BTBD9: variants seen among roughly 807,000 people sequenced by gnomAD.
BTBD9 encodes BTB/POZ domain-containing protein 9.
BTBD9 carries 49 observed loss-of-function variants against 64.3 expected under a neutral mutation model. The ratio of observed to expected loss-of-function variants is 0.76; its 90% CI spans 0.61 to 0.97. The LOEUF is 0.97. Among genes scored for constraint, BTBD9 ranks in the 50% least tolerant of loss-of-function variants. BTBD9 has a pLI of 0.00. For missense variants in BTBD9, 598 were observed against 762.1 expected (o/e 0.78, Z 2.53); for synonymous variants, 260 against 274.7 (o/e 0.95, Z 0.53).
chr6:38,347,881 C>G (rs1423310389), intron 6 of BTBD9, among the ~76,000 whole-genome samples: 1 of 152,160 alleles, frequency 6.6e-6, no homozygotes, highest in Non-Finnish European at 1.5e-5. Context: ...CCTGTAATCC[C>G]AGCTACTTGG....
chr6:38,405,602 TAA>T (rs957679532), intron 6 of BTBD9, among the ~76,000 whole-genome samples: 1 of 146,034 alleles, frequency 6.8e-6, no homozygotes, highest in African/African-American at 2.5e-5. Context: ...GTTCTGTTGT[TAA>T]AAAAAAAAAC....
chr6:38,311,324 C>T (rs1022534097), intron 7 of BTBD9, among the ~76,000 whole-genome samples: 1 of 151,910 alleles, frequency 6.6e-6, no homozygotes, highest in Admixed American at 6.6e-5. Context: ...TCATTTTTAG[C>T]TCCCACAAGT....
intron 1 of BTBD9, among the ~76,000 whole-genome samples, chr6:38,610,465 T>C (rs760466257): frequency 2.0e-5 from 3 of 152,282 alleles, no homozygotes; most frequent in South Asian, 2.1e-4. Flanking sequence ...GTGGCACTAA[T>C]GGAAAACGTG....
chr6:38,397,442 C>A (rs1355023514), intron 6 of BTBD9, among the ~76,000 whole-genome samples: 1 of 152,112 alleles, frequency 6.6e-6, no homozygotes, highest in Non-Finnish European at 1.5e-5. Context: ...AAAGATGACG[C>A]CCAGCTTTGT....
intron 6 of BTBD9, among the ~76,000 whole-genome samples, chr6:38,505,046 C>T (rs1323359237): frequency 2.6e-5 from 4 of 152,190 alleles, no homozygotes; most frequent in Non-Finnish European, 5.9e-5. Flanking sequence ...ATTCCTGAAG[C>T]ACTACCTCTC....
At chr6:38,527,632 T>G (rs1443907801) in intron 6 of BTBD9, among the ~76,000 whole-genome samples, 1 of 152,110 alleles carries the variant, frequency 6.6e-6, no homozygotes, top group Non-Finnish European at 1.5e-5. Flanking sequence ...ATGAGTCAAT[T>G]AAACCTCTTT....
chr6:38,312,533 T>C (rs1762875835), intron 7 of BTBD9, among the ~76,000 whole-genome samples: 1 of 152,088 alleles, frequency 6.6e-6, no homozygotes, highest in Non-Finnish European at 1.5e-5. Flanking sequence ...GCTTTGTAGT[T>C]TGAGAGAGTA....
intron 7 of BTBD9, among the ~76,000 whole-genome samples, chr6:38,288,752 C>T (rs1310426055): frequency 1.3e-5 from 2 of 150,998 alleles, no homozygotes; most frequent in Non-Finnish European, 3.0e-5. Flanking sequence ...CATGGTGAAA[C>T]CCCATCTCTA....
chr6:38,192,703 G>A (rs963429605), intron 9 of BTBD9, 106 bp from the exon 10 acceptor site: 18 of 956,852 alleles, frequency 1.9e-5, no homozygotes, highest in South Asian at 1.1e-4. Context: ...TCCTGTCCTC[G>A]GAGACCTGCA....
chr6:38,428,477 G>A (rs1239310319), intron 6 of BTBD9, among the ~76,000 whole-genome samples: 1 of 147,204 alleles, frequency 6.8e-6, no homozygotes, highest in Non-Finnish European at 1.5e-5. Context: ...CTGCAGCCTC[G>A]AACTCCTGGG....
intron 9 of BTBD9, among the ~76,000 whole-genome samples, chr6:38,203,816 A>C (rs781711268): frequency 7.9e-5 from 12 of 152,156 alleles, no homozygotes; most frequent in Non-Finnish European, 1.8e-4. Flanking sequence ...GTTAGTTAGA[A>C]GAAATAAGTT....
chr6:38,529,048 G>A (rs1032219201), intron 6 of BTBD9, among the ~76,000 whole-genome samples: 1 of 152,148 alleles, frequency 6.6e-6, no homozygotes, highest in African/African-American at 2.4e-5. Flanking sequence ...GTCCTGAAGG[G>A]AGCCCACTGC....
At chr6:38,341,010 C>A (rs989425679) in intron 7 of BTBD9, among the ~76,000 whole-genome samples, 11 of 152,130 alleles carry the variant, frequency 7.2e-5, no homozygotes, top group African/African-American at 2.4e-4. Context: ...TGGCCAAAAT[C>A]CAGACTGGTA....
rs532669509 is a variant in BTBD9, at chr6:38,220,142, G to A, written c.1563-27545C>T. Among the ~76,000 whole-genome samples, 5 of 152,340 alleles carry A rather than the reference G, an allele frequency of 3.3e-5. No homozygotes were observed. In the East Asian group the frequency reaches 9.6e-4, roughly 29 times the overall value. On this transcript the variant is annotated intron_variant, in intron 9 of 10. Transcript: ENST00000481247. ...CAGGGAACATGAGGCTGAGAACATG[G>A]CAGTGGGTGATGGTGTTGGGGGACA... is the stretch of plus-strand genomic sequence containing the variant.
intron 7 of BTBD9, 59 bp from the exon 8 acceptor site, chr6:38,288,520 A>G: frequency 1.4e-6 from 2 of 1,402,056 alleles, no homozygotes; most frequent in Non-Finnish European, 2.0e-6. Context: ...ATATCTCTAT[A>G]GTGTGCTCAG....
rs529078512 is a variant in BTBD9 at position 38,462,927 on chromosome 6, C to G, written c.1154+114673G>C. 7.9e-5 allele frequency among the ~76,000 whole-genome samples: 12 copies of G among 152,256 alleles called. No homozygotes were observed. In the South Asian group the frequency reaches 2.1e-3, roughly 26 times the overall value. ...TATCCTCCCACCTCAGACTCCTGAGCAGTTGGGACTACAGGCACATGTCAC... is the reference window on the plus strand; with the variant it reads ...TATCCTCCCACCTCAGACTCCTGAGGAGTTGGGACTACAGGCACATGTCAC... On this transcript the variant is annotated intron_variant, in intron 6 of 10. Coordinates refer to ENST00000481247, the MANE Select transcript of BTBD9 (RefSeq NM_001099272.2).
In BTBD9 at chr6:38,496,608, C is replaced by T. The variant is rs116626830; in HGVS notation, c.1154+80992G>A. Among the ~76,000 whole-genome samples the T allele has an allele frequency of 6.9e-3, 1,047 of 150,820 alleles. 7 individuals carry two copies. Among genetic ancestry groups the T allele is most frequent in the African/African-American group, 0.024 (991 of 41,012 alleles). ...AGGCTGCAGCAGGACATGATCACACCACTGCACTGCACTGCAGCCTGGGTG... is the reference window on the plus strand; with the variant it reads ...AGGCTGCAGCAGGACATGATCACACTACTGCACTGCACTGCAGCCTGGGTG... On this transcript the variant is annotated intron_variant, in intron 6 of 10. Coordinates refer to ENST00000481247, the MANE Select transcript of BTBD9 (RefSeq NM_001099272.2).
intron 6 of BTBD9, among the ~76,000 whole-genome samples, chr6:38,550,802 T>C (rs992917004): frequency 3.9e-5 from 6 of 152,214 alleles, no homozygotes; most frequent in African/African-American, 1.2e-4. Context: ...GTCTACCTAG[T>C]AGTTAGAACA....
chr6:38,457,530 C>T (rs901713429), intron 6 of BTBD9, among the ~76,000 whole-genome samples: 1 of 151,092 alleles, frequency 6.6e-6, no homozygotes, highest in East Asian at 1.9e-4. Context: ...AGCTTGGGGA[C>T]TAAAAAATAG....
Sources: gnomAD v4.1 joint callset for allele counts (sites outside exome capture counted in the v4.1 genomes callset) on GRCh38, gnomAD v4.1.1 for gene constraint, MANE v1.5 for transcripts, NCBI Gene and HGNC (gene_info 2026-07-23, HGNC 2026-07-21) for gene names.